SP7: variants seen among roughly 807,000 people sequenced by gnomAD.
SP7 encodes the protein Sp7 transcription factor.
Under a neutral mutation model 27.9 loss-of-function variants are expected in SP7, and 13 were observed. That is an observed-to-expected ratio of 0.47 (90% CI 0.30 to 0.74). The LOEUF (loss-of-function observed/expected upper bound fraction) is 0.74, where lower values mean the gene tolerates loss of function less well. SP7 is among the 30% of genes least tolerant of loss of function. The probability of loss-of-function intolerance (pLI) is 0.06; values close to 1 mark genes in which losing one functional copy is unlikely to be tolerated. For missense variants in SP7, 525 were observed against 558.0 expected, an observed-to-expected ratio of 0.94 and a Z score of 0.60; for synonymous variants, 219 against 226.7, an observed-to-expected ratio of 0.97 and a Z score of 0.31.
intron 2 of SP7, among the ~76,000 whole-genome samples, chr12:53,330,039 T>TAA (rs1944686407): frequency 6.6e-6 from 1 of 151,968 alleles, no homozygotes; most frequent in Non-Finnish European, 1.5e-5. Flanking sequence ...CGGCCTTTTC[T>TAA]TTTTATTTAA....
At chr12:53,340,699 C>G (rs557052621), upstream of SP7, among the ~76,000 whole-genome samples, 9 of 152,274 alleles carry the variant, frequency 5.9e-5, no homozygotes, top group East Asian at 1.7e-3. Flanking sequence ...TGCACCCAGC[C>G]CAGCCCTTGT....
At chr12:53,333,761 T>C (rs930900) in intron 2 of SP7, among the ~76,000 whole-genome samples, 103,634 of 151,602 alleles carry the variant, frequency 0.68, 36,015 homozygotes, top group East Asian at 0.95. Context: ...CCATACAAGG[T>C]GGAGGGCTTC....
At position 53,329,234 on chromosome 12, in the gene SP7, T is replaced by C; in HGVS notation, c.208A>G (p.Ser70Gly). The C allele has an allele frequency of 6.2e-7, 1 of 1,613,784 alleles. No individual in the cohort carries two copies. The highest frequency in any genetic ancestry group is 2.2e-5 in the East Asian group (1 of 44,858). ...MGDAYPAPFTSTNGLLSPAGS... is the reference protein window; with the variant it reads ...MGDAYPAPFTGTNGLLSPAGS... ...GCAGGTGAAAGGAGCCCATTAGTGCTTGTAAAGGGGGCTGGATAAGCATCC... is the reference window on the plus strand; with the variant it reads ...GCAGGTGAAAGGAGCCCATTAGTGCCTGTAAAGGGGGCTGGATAAGCATCC... The change falls in exon 3 of 3, where the codon AGC becomes GGC. Residue 70 changes from serine to glycine, a missense_variant. Transcript: ENST00000536324.
At position 53,327,857 on chromosome 12, in the gene SP7, T is replaced by G; in HGVS notation, c.*289A>C. On this transcript the variant is annotated 3_prime_UTR_variant, in exon 3 of 3. Coordinates refer to ENST00000536324, the MANE Select transcript of SP7 (RefSeq NM_001173467.3). ...GTGTTGGGAGCCCAAATAGAAAGTG[T>G]GTTGGTGTGGCAGGGCCAGAGTCTA... 2.5e-6 allele frequency: 1 copy of G among 403,244 alleles called. No individual in the cohort carries two copies. The highest frequency in any genetic ancestry group is 4.4e-6 in the Non-Finnish European group (1 of 225,736). The allele number at this position is 403,244 out of a possible 1,614,324, so 25.0% of individuals were successfully genotyped here.
chr12:53,330,776 C>G (rs1944695225), intron 2 of SP7, among the ~76,000 whole-genome samples: 1 of 152,204 alleles, frequency 6.6e-6, no homozygotes, highest in Admixed American at 6.5e-5. Flanking sequence ...CAGCTCCTGA[C>G]TAAGGCAGTG....
At chr12:53,334,603 CTT>C (rs1230594348) in intron 2 of SP7, among the ~76,000 whole-genome samples, 2 of 152,210 alleles carry the variant, frequency 1.3e-5, no homozygotes, top group South Asian at 4.1e-4. Context: ...AGGGGACTGA[CTT>C]TCAGGGAGGG....
intron 2 of SP7, among the ~76,000 whole-genome samples, chr12:53,332,000 G>A (rs532054264): frequency 1.1e-4 from 17 of 152,236 alleles, no homozygotes; most frequent in Non-Finnish European, 1.6e-4. Flanking sequence ...CTAAGGTCCC[G>A]TTGACTCCCA....
chr12:53,329,951 C>T (rs1183894191), intron 2 of SP7, among the ~76,000 whole-genome samples: 2 of 152,038 alleles, frequency 1.3e-5, no homozygotes, highest in Admixed American at 6.6e-5. Context: ...CCAGACTGGT[C>T]TCAAACTCCT....
intron 1 of SP7, among the ~76,000 whole-genome samples, chr12:53,341,800 C>T (rs1162154507): frequency 2.6e-5 from 4 of 152,248 alleles, no homozygotes; most frequent in African/African-American, 9.6e-5. Flanking sequence ...GTGGCTCATG[C>T]CTGTAATCCC....
At chr12:53,332,430 T>C (rs1944715633) in intron 2 of SP7, among the ~76,000 whole-genome samples, 1 of 151,984 alleles carries the variant, frequency 6.6e-6, no homozygotes, top group Non-Finnish European at 1.5e-5. Flanking sequence ...ATTTTAAAAT[T>C]AGCTGGGCTT....
chr12:53,335,058 C>A (rs1277517275), intron 2 of SP7, among the ~76,000 whole-genome samples: 6 of 152,314 alleles, frequency 3.9e-5, no homozygotes, highest in Middle Eastern at 3.4e-3. Flanking sequence ...CAGGCACAGG[C>A]TGGCCTCCTC....
intron 2 of SP7, among the ~76,000 whole-genome samples, chr12:53,334,985 C>A (rs934321435): frequency 6.6e-6 from 1 of 152,318 alleles, no homozygotes; most frequent in South Asian, 2.1e-4. Context: ...CGGCCTCAGA[C>A]CCCGTCCCTC....
intron 1 of SP7, among the ~76,000 whole-genome samples, chr12:53,342,320 T>C (rs532994922): frequency 4.6e-5 from 7 of 152,286 alleles, no homozygotes; most frequent in African/African-American, 1.4e-4. Flanking sequence ...TGCTGCATTC[T>C]TCCTCGGAGC....
In SP7 at chr12:53,335,686, GGA is replaced by G; in HGVS notation, c.-42_-41del. ...ACGGGTCCCAAGGAGCCAGGCAGAT[GGA>G]GAGAGCTGAGCCGGGGGGTGGGGGG... On this transcript the variant is annotated 5_prime_UTR_variant, in exon 2 of 3. Coordinates refer to ENST00000536324, the MANE Select transcript of SP7 (RefSeq NM_001173467.3). The G allele has an allele frequency of 6.9e-7, 1 of 1,453,574 alleles. No individual in the cohort carries two copies. Among genetic ancestry groups the G allele is most frequent in the South Asian group, 1.2e-5 (1 of 80,448 alleles). The allele number at this position is 1,453,574 out of a possible 1,614,324, so 90.0% of individuals were successfully genotyped here.
In SP7 at chr12:53,329,438, C is replaced by T. The variant is rs918215580; in HGVS notation, c.22-18G>A. On this transcript the variant is annotated intron_variant, in intron 2 of 2. Transcript: ENST00000536324. ...ACTTCCTCCTGTGGAAAGAGGGACG[C>T]ACTGCTTAGGGAGAGGGGAGGAGAG... 17 of 1,612,026 alleles carry T rather than the reference C, an allele frequency of 1.1e-5. No homozygotes were observed. The highest frequency in any genetic ancestry group is 1.4e-5 in the Non-Finnish European group (16 of 1,178,512).
Position 53,329,437 on chromosome 12 carries a change from G to T in SP7, c.22-17C>A. On this transcript the variant is annotated splice_polypyrimidine_tract_variant and intron_variant, in intron 2 of 2. Transcript: ENST00000536324. Reference sequence around the variant, plus strand: ...AACTTCCTCCTGTGGAAAGAGGGACGCACTGCTTAGGGAGAGGGGAGGAGA... The same window carrying T: ...AACTTCCTCCTGTGGAAAGAGGGACTCACTGCTTAGGGAGAGGGGAGGAGA... 6.2e-7 allele frequency: 1 copy of T among 1,611,576 alleles called. No homozygotes were observed. The highest frequency in any genetic ancestry group is 8.5e-7 in the Non-Finnish European group (1 of 1,178,134).
chr12:53,334,610 G>T (rs1944746007), intron 2 of SP7, among the ~76,000 whole-genome samples: 1 of 152,200 alleles, frequency 6.6e-6, no homozygotes, highest in African/African-American at 2.4e-5. Flanking sequence ...TGACTTTCAG[G>T]GAGGGCCCTC....
chr12:53,335,290 C>A (rs1156489829), intron 2 of SP7, among the ~76,000 whole-genome samples: 2 of 151,340 alleles, frequency 1.3e-5, no homozygotes, highest in Non-Finnish European at 2.9e-5. Context: ...CCTCACTCCC[C>A]CTCGCCCCCC....
chr12:53,338,106 C>CAGAGGAGGAGGAGGA (rs767126357), upstream of SP7, among the ~76,000 whole-genome samples: 32 of 136,292 alleles, frequency 2.3e-4, no homozygotes, highest in Admixed American at 6.7e-4. Context: ...TAGCCAGGTC[C>CAGAGGAGGAGGAGGA]GGAGGAGGAG....
Sources: gnomAD v4.1 joint callset for allele counts (sites outside exome capture counted in the v4.1 genomes callset) on GRCh38, gnomAD v4.1.1 for gene constraint, MANE v1.5 for transcripts, NCBI Gene and HGNC (gene_info 2026-07-23, HGNC 2026-07-21) for gene names.